The following UBTD1 variants were observed in gnomAD, a reference collection of about 807,000 sequenced individuals.
The protein encoded by UBTD1 is ubiquitin domain containing 1.
UBTD1 carries 19 observed loss-of-function variants against 21.7 expected under a neutral mutation model. That is an observed-to-expected ratio of 0.87 (90% CI 0.61 to 1.28). UBTD1 has a LOEUF of 1.28. Ranked by LOEUF, UBTD1 falls within the 50% of genes most tolerant of loss-of-function variation. UBTD1 has a pLI of 0.00. For missense variants in UBTD1, 282 were observed against 315.1 expected, an observed-to-expected ratio of 0.89 and a Z score of 0.80; for synonymous variants, 116 against 135.1, an observed-to-expected ratio of 0.86 and a Z score of 0.98.
At chr10:97,557,065 A>T (rs1454595143) in intron 1 of UBTD1, among the ~76,000 whole-genome samples, 2 of 152,224 alleles carry the variant, frequency 1.3e-5, no homozygotes, top group Non-Finnish European at 2.9e-5. Context: ...TTCATCAGGA[A>T]CTGGGTCTGT....
At chr10:97,551,227 T>C (rs539020940) in intron 1 of UBTD1, among the ~76,000 whole-genome samples, 13 of 152,264 alleles carry the variant, frequency 8.5e-5, no homozygotes, top group Admixed American at 6.5e-4. Context: ...CACAGACATA[T>C]ACATTCTCTG....
At chr10:97,528,243 G>A (rs1302168261) in intron 1 of UBTD1, among the ~76,000 whole-genome samples, 103 of 106,574 alleles carry the variant, frequency 9.7e-4, no homozygotes, top group Middle Eastern at 6.4e-3. Flanking sequence ...TTCCCAGTAG[G>A]GGCGGCCGGG....
At chr10:97,525,978 A>G (rs1466750214) in intron 1 of UBTD1, among the ~76,000 whole-genome samples, 1 of 152,160 alleles carries the variant, frequency 6.6e-6, no homozygotes, top group Non-Finnish European at 1.5e-5. Context: ...CAGGGGAGTG[A>G]CATAATCACT....
chr10:97,549,460 A>G (rs2040626267), intron 1 of UBTD1, among the ~76,000 whole-genome samples: 1 of 152,200 alleles, frequency 6.6e-6, no homozygotes, highest in South Asian at 2.1e-4. Flanking sequence ...GCCAGGCATT[A>G]ACTCTGTCTG....
intron 1 of UBTD1, among the ~76,000 whole-genome samples, chr10:97,543,165 C>T (rs530102132): frequency 6.6e-6 from 1 of 152,236 alleles, no homozygotes; most frequent in Non-Finnish European, 1.5e-5. Flanking sequence ...ATGCGGACCC[C>T]GAGGGTCAGA....
intron 1 of UBTD1, among the ~76,000 whole-genome samples, chr10:97,543,963 A>T (rs1358104883): frequency 1.3e-5 from 2 of 151,974 alleles, no homozygotes; most frequent in East Asian, 3.9e-4. Flanking sequence ...AGTTAGTTGA[A>T]ACAAGGATGG....
Position 97,525,481 on chromosome 10 carries a change from C to T in UBTD1, c.70+26208C>T, listed in dbSNP as rs183290165. Among the ~76,000 whole-genome samples the T allele has an allele frequency of 5.9e-5, 9 of 152,242 alleles. 1 individual carries two copies. The Middle Eastern group carries it at 0.01, about 173-fold the overall frequency. The stretch of plus-strand genomic sequence containing the variant: ...TCTATTTCAAAAGATGGGGTATCTT[C>T]GGGAGAGAAAACCAATAGCAAAGGC... On this transcript the variant is annotated intron_variant, in intron 1 of 2. Transcript: ENST00000370664.
chr10:97,529,631 G>A (rs1469745134), intron 1 of UBTD1, among the ~76,000 whole-genome samples: 2 of 152,240 alleles, frequency 1.3e-5, no homozygotes, highest in Admixed American at 1.3e-4. Context: ...CAGGCGTGCA[G>A]GCACTCGGCA....
At chr10:97,552,732 G>A (rs2040646138) in intron 1 of UBTD1, among the ~76,000 whole-genome samples, 1 of 152,060 alleles carries the variant, frequency 6.6e-6, no homozygotes. Flanking sequence ...TCAAAAGCTG[G>A]AGCACTGTGC....
intron 1 of UBTD1, among the ~76,000 whole-genome samples, chr10:97,548,011 C>T (rs1654390941): frequency 6.6e-6 from 1 of 152,116 alleles, no homozygotes; most frequent in African/African-American, 2.4e-5. Flanking sequence ...AGAGTGGTCT[C>T]ACTTAATCCT....
chr10:97,501,962 G>A (rs2040378308), intron 1 of UBTD1, among the ~76,000 whole-genome samples: 1 of 152,108 alleles, frequency 6.6e-6, no homozygotes, highest in South Asian at 2.1e-4. Context: ...TATGTACTCT[G>A]TATTATTAAT....
In UBTD1 at chr10:97,537,522, G is replaced by C. The variant is rs115899224; in HGVS notation, c.71-30392G>C. Among the ~76,000 whole-genome samples, 1,189 of 152,300 alleles carry C rather than the reference G, an allele frequency of 7.8e-3. 18 individuals are homozygous for C. The highest frequency in any genetic ancestry group is 0.027 in the African/African-American group (1,127 of 41,554). ...ACCCTCATTATTGCAGAAGGAAACT[G>C]AGGCGCAAAGCTTGTATGCTGCCTC... On this transcript the variant is annotated intron_variant, in intron 1 of 2. Transcript: ENST00000370664.
chr10:97,535,416 C>T (rs2040555299), intron 1 of UBTD1, among the ~76,000 whole-genome samples: 1 of 152,112 alleles, frequency 6.6e-6, no homozygotes, highest in Non-Finnish European at 1.5e-5. Context: ...GAAATTGAGA[C>T]CATCCTGGCT....
rs58424586 is a variant in UBTD1 at position 97,556,455 on chromosome 10, G to A, written c.71-11459G>A. Among the ~76,000 whole-genome samples, 91 of 152,254 alleles carry A rather than the reference G, an allele frequency of 6.0e-4. 1 individual carries two copies. Among genetic ancestry groups the A allele is most frequent in the African/African-American group, 2.0e-3 (84 of 41,544 alleles). On this transcript the variant is annotated intron_variant, in intron 1 of 2. Transcript: ENST00000370664. ...AGGCAAGAACAGTCAAGTCTTGACC[G>A]GTTTTATTAGTAATAATTTCTAAAA...
intron 1 of UBTD1, among the ~76,000 whole-genome samples, chr10:97,505,372 G>A (rs1255729094): frequency 2.6e-5 from 4 of 152,232 alleles, no homozygotes; most frequent in African/African-American, 4.8e-5. Context: ...ATATTATAGG[G>A]AAGTGGTTGA....
At chr10:97,504,106 A>C (rs139895885) in intron 1 of UBTD1, among the ~76,000 whole-genome samples, 122 of 151,878 alleles carry the variant, frequency 8.0e-4, no homozygotes, top group African/African-American at 2.9e-3. Context: ...CACACTTCAC[A>C]TCCATTTAAT....
At chr10:97,536,326 G>C (rs2040561650) in intron 1 of UBTD1, among the ~76,000 whole-genome samples, 1 of 152,114 alleles carries the variant, frequency 6.6e-6, no homozygotes, top group Non-Finnish European at 1.5e-5. Flanking sequence ...GAGTGAGGTG[G>C]TCATACAAGG....
chr10:97,558,466 C>T (rs994816686), intron 1 of UBTD1, among the ~76,000 whole-genome samples: 11 of 152,142 alleles, frequency 7.2e-5, no homozygotes, highest in African/African-American at 1.9e-4. Context: ...GGCCTTTGGA[C>T]GTGGGGGCAG....
intron 1 of UBTD1, among the ~76,000 whole-genome samples, chr10:97,526,432 A>T (rs556403299): frequency 6.6e-6 from 1 of 152,286 alleles, no homozygotes; most frequent in East Asian, 1.9e-4. Context: ...TCTCAAATCC[A>T]TCCTCTCATC....
Sources: allele counts gnomAD v4.1 joint callset (sites outside exome capture counted in the v4.1 genomes callset), GRCh38; gene constraint gnomAD v4.1.1; transcripts MANE v1.5; gene names NCBI Gene and HGNC (gene_info 2026-07-23, HGNC 2026-07-21).